UNC13C: variants seen among roughly 807,000 people sequenced by gnomAD.
UNC13C encodes the protein unc-13 homolog C, also known as protein unc-13 homolog C.
UNC13C carries 174 observed loss-of-function variants against 245.4 expected under a neutral mutation model. The observed-to-expected ratio is 0.71, with a 90% CI of 0.63 to 0.80. UNC13C has a LOEUF of 0.80. Among genes scored for constraint, UNC13C ranks in the 30% least tolerant of loss-of-function variants. The pLI, the probability that UNC13C is intolerant of heterozygous loss-of-function variation, is 0.00. For synonymous variants in UNC13C, 992 were observed against 895.1 expected (o/e 1.11, Z -1.93); for missense variants, 2,829 against 2,602.9 (o/e 1.09, Z -1.89).
intron 19 of UNC13C, among the ~76,000 whole-genome samples, chr15:54,455,777 T>C (rs1349607793): frequency 6.6e-6 from 1 of 152,156 alleles, no homozygotes. Flanking sequence ...TAGTTATTTG[T>C]CAAATGCATA....
chr15:54,288,421 T>C (rs1176421318), intron 10 of UNC13C, among the ~76,000 whole-genome samples: 2 of 151,788 alleles, frequency 1.3e-5, no homozygotes, highest in Admixed American at 1.3e-4. Context: ...ATCTGCAATA[T>C]CCATAAATGA....
chr15:54,536,308 A>G (rs909467323), intron 26 of UNC13C, among the ~76,000 whole-genome samples: 2 of 152,074 alleles, frequency 1.3e-5, no homozygotes, highest in Admixed American at 1.3e-4. Flanking sequence ...GAACAGACCA[A>G]TAATGAGTTC....
chr15:54,368,899 G>A (rs545794018), intron 17 of UNC13C, among the ~76,000 whole-genome samples: 78 of 152,166 alleles, frequency 5.1e-4, no homozygotes, highest in African/African-American at 1.8e-3. Context: ...TTAAAGCTGA[G>A]GAGTCTATTT....
chr15:54,565,424 C>G (rs1385580820), intron 29 of UNC13C, among the ~76,000 whole-genome samples: 3 of 152,016 alleles, frequency 2.0e-5, no homozygotes, highest in Non-Finnish European at 4.4e-5. Flanking sequence ...GAAGAATCCA[C>G]AGTGCAATCT....
intron 30 of UNC13C, among the ~76,000 whole-genome samples, chr15:54,613,043 GAACA>G (rs1900207092): frequency 6.6e-6 from 1 of 151,708 alleles, no homozygotes; most frequent in Admixed American, 6.6e-5. Flanking sequence ...TGTCTCTCAA[GAACA>G]AGAGACTTCT....
the UNC13C span, among the ~76,000 whole-genome samples, chr15:53,859,731 G>A: frequency 6.6e-6 from 1 of 152,156 alleles, no homozygotes; most frequent in Non-Finnish European, 1.5e-5. Context: ...AGGGAAGACA[G>A]TTCTAGGCTG....
intron 18 of UNC13C, among the ~76,000 whole-genome samples, chr15:54,394,468 C>T (rs1460943750): frequency 6.6e-6 from 1 of 151,784 alleles, no homozygotes; most frequent in African/African-American, 2.4e-5. Flanking sequence ...ATGTCGTCAT[C>T]GCATCATGGG....
At chr15:54,173,685 G>A (rs553091248) in intron 4 of UNC13C, among the ~76,000 whole-genome samples, 49 of 152,136 alleles carry the variant, frequency 3.2e-4, no homozygotes, top group South Asian at 1.4e-3. Context: ...CCTTTCCAAA[G>A]TGTATGGGTT....
At chr15:54,389,683 G>A (rs920407487) in intron 17 of UNC13C, among the ~76,000 whole-genome samples, 6 of 151,750 alleles carry the variant, frequency 4.0e-5, no homozygotes, top group African/African-American at 1.5e-4. Context: ...AAATATAGTA[G>A]GCATCTGTCA....
chr15:54,512,817 C>A (rs1470225696), intron 24 of UNC13C, among the ~76,000 whole-genome samples: 1 of 152,116 alleles, frequency 6.6e-6, no homozygotes, highest in Admixed American at 6.6e-5. Flanking sequence ...ACAAATGTTT[C>A]TTTTAAGATT....
intron 15 of UNC13C, among the ~76,000 whole-genome samples, 167 bp from the exon 16 acceptor site, chr15:54,333,600 G>A (rs142453856): frequency 9.2e-5 from 14 of 152,040 alleles, no homozygotes; most frequent in Non-Finnish European, 1.5e-4. Flanking sequence ...AATTGTTTAC[G>A]TTCTATAATG....
intron 17 of UNC13C, among the ~76,000 whole-genome samples, chr15:54,378,786 T>C (rs750851745): frequency 2.0e-5 from 3 of 152,026 alleles, no homozygotes; most frequent in Non-Finnish European, 2.9e-5. Flanking sequence ...AAATAATTTA[T>C]ATATTTAAAA....
At chr15:54,164,302 CT>C (rs1427422897) in intron 4 of UNC13C, among the ~76,000 whole-genome samples, 1 of 152,072 alleles carries the variant, frequency 6.6e-6, no homozygotes, top group Non-Finnish European at 1.5e-5. Context: ...TATGCTCCAT[CT>C]TTTTAAAAAA....
chr15:54,015,850 C>G lies in UNC13C; in HGVS notation c.2947C>G (p.Gln983Glu), dbSNP rs911765186. 5 of 1,602,296 alleles carry G rather than the reference C, an allele frequency of 3.1e-6. No individual in the cohort carries two copies. Among genetic ancestry groups the G allele is most frequent in the Non-Finnish European group, 4.3e-6 (5 of 1,175,274 alleles). ...AGCAGCTTTAAGGGCCTATAAAAAG[C>G]AAATGGCAGAGTTGGAAGAGAAGAT... ...KEAALRAYKK[Q>E]MAELEEKILA... Residue 983 changes from glutamine to glutamate, a missense_variant, in exon 2 of 33, where the codon CAA becomes GAA. Gln to Glu is a conservative substitution (Grantham distance 29). Transcript: ENST00000260323.
intron 4 of UNC13C, 44 bp from the exon 5 acceptor site, chr15:54,234,986 G>T (rs762868051): frequency 3.2e-6 from 5 of 1,554,698 alleles, no homozygotes; most frequent in Non-Finnish European, 3.5e-6. Flanking sequence ...CTTACAAGAA[G>T]TCATTTTACC....
intron 1 of UNC13C, among the ~76,000 whole-genome samples, chr15:54,007,540 C>T (rs1056755966): frequency 6.6e-6 from 1 of 152,122 alleles, no homozygotes; most frequent in Non-Finnish European, 1.5e-5. Flanking sequence ...TCTTCTCACT[C>T]ATAAGTGGGA....
At chr15:54,236,747 G>C (rs547750354) in intron 6 of UNC13C, among the ~76,000 whole-genome samples, 1 of 152,296 alleles carries the variant, frequency 6.6e-6, no homozygotes, top group African/African-American at 2.4e-5. Context: ...GATGAGTGGA[G>C]AGTGACATTC....
intron 17 of UNC13C, among the ~76,000 whole-genome samples, chr15:54,370,776 A>G (rs949168225): frequency 1.3e-5 from 2 of 152,152 alleles, no homozygotes; most frequent in East Asian, 1.9e-4. Context: ...TGAATATGGT[A>G]TAAGTATCTG....
intron 8 of UNC13C, among the ~76,000 whole-genome samples, chr15:54,255,008 G>C (rs977978236): frequency 6.6e-6 from 1 of 152,158 alleles, no homozygotes; most frequent in South Asian, 2.1e-4. Flanking sequence ...CTTGCAGGGC[G>C]TGTGATGGGG....
Sources: gnomAD v4.1 joint callset for allele counts (sites outside exome capture counted in the v4.1 genomes callset) on GRCh38, gnomAD v4.1.1 for gene constraint, MANE v1.5 for transcripts, NCBI Gene and HGNC (gene_info 2026-07-23, HGNC 2026-07-21) for gene names.